The following SGCZ variants were observed in gnomAD, a reference collection of about 807,000 sequenced individuals.
SGCZ encodes the protein sarcoglycan zeta, also known as zeta-sarcoglycan.
In SGCZ, 40 loss-of-function variants were observed where a neutral mutation model predicts 41.3. That is an observed-to-expected ratio of 0.97 (90% CI 0.75 to 1.26). SGCZ has a LOEUF of 1.26. Among genes scored for constraint, SGCZ ranks in the 50% most tolerant of loss-of-function variants. The pLI is 0.00. For missense variants in SGCZ, 552 were observed against 369.8 expected (o/e 1.49, Z -4.04); for synonymous variants, 206 against 137.5 (o/e 1.50, Z -3.49).
chr8:14,577,090 G>C (rs1804734365), intron 1 of SGCZ, among the ~76,000 whole-genome samples: 1 of 152,146 alleles, frequency 6.6e-6, no homozygotes, highest in Non-Finnish European at 1.5e-5. Context: ...AATGAGGACT[G>C]GATTACTAAC....
chr8:14,415,090 C>T (rs1799459560), intron 2 of SGCZ, among the ~76,000 whole-genome samples: 2 of 151,600 alleles, frequency 1.3e-5, no homozygotes, highest in Non-Finnish European at 1.5e-5. Flanking sequence ...TTTACAATCC[C>T]CTGAAGTAAA....
intron 1 of SGCZ, among the ~76,000 whole-genome samples, chr8:15,027,974 C>T (rs569646513): frequency 1.3e-5 from 2 of 151,910 alleles, no homozygotes; most frequent in Admixed American, 6.6e-5. Flanking sequence ...TTAAAACAAA[C>T]AAAAGCACAG....
At chr8:14,565,245 A>T (rs1804323829) in intron 1 of SGCZ, among the ~76,000 whole-genome samples, 1 of 152,124 alleles carries the variant, frequency 6.6e-6, no homozygotes, top group Non-Finnish European at 1.5e-5. Flanking sequence ...TACCTCATAC[A>T]TCCTAAAATT....
chr8:14,594,215 A>C (rs1357433838), intron 1 of SGCZ, among the ~76,000 whole-genome samples: 1 of 146,056 alleles, frequency 6.8e-6, no homozygotes, highest in Non-Finnish European at 1.5e-5. Context: ...TAAATAAATA[A>C]ATAAATAAAT....
intron 1 of SGCZ, among the ~76,000 whole-genome samples, chr8:14,754,243 T>G (rs1799588065): frequency 6.6e-6 from 1 of 152,148 alleles, no homozygotes; most frequent in Admixed American, 6.5e-5. Context: ...TAGATAACCC[T>G]CATGTTCTAC....
At chr8:14,610,358 G>A (rs745762783) in intron 1 of SGCZ, among the ~76,000 whole-genome samples, 16 of 152,196 alleles carry the variant, frequency 1.1e-4, no homozygotes, top group Non-Finnish European at 2.1e-4. Flanking sequence ...TTGATGGAGA[G>A]TCAGAACTGA....
chr8:15,147,479 T>C (rs1437752669), intron 1 of SGCZ, among the ~76,000 whole-genome samples: 4 of 152,150 alleles, frequency 2.6e-5, no homozygotes, highest in Non-Finnish European at 5.9e-5. Flanking sequence ...GGATTCTCCA[T>C]GTTCGTCAGG....
chr8:14,502,239 G>A lies in SGCZ; in HGVS notation c.234+52493C>T, dbSNP rs77870052. 8.1e-3 allele frequency among the ~76,000 whole-genome samples: 1,228 copies of A among 152,042 alleles called. 9 individuals carry two copies. Among genetic ancestry groups the A allele is most frequent in the Non-Finnish European group, 0.012 (831 of 67,962 alleles). ...ATTAAGCGGCATCAATACAAAAAAGGATTTTTATTCCATTTTACTTACTCT... is the reference window on the plus strand; with the variant it reads ...ATTAAGCGGCATCAATACAAAAAAGAATTTTTATTCCATTTTACTTACTCT... On this transcript the variant is annotated intron_variant, in intron 2 of 7. Transcript: ENST00000382080.
intron 5 of SGCZ, among the ~76,000 whole-genome samples, chr8:14,121,920 C>G (rs1802708765): frequency 6.6e-6 from 1 of 152,120 alleles, no homozygotes; most frequent in African/African-American, 2.4e-5. Flanking sequence ...TACATTGATA[C>G]ATAAATAGCC....
At chr8:14,278,094 T>C (rs1342124783) in intron 3 of SGCZ, among the ~76,000 whole-genome samples, 4 of 152,102 alleles carry the variant, frequency 2.6e-5, no homozygotes, top group Non-Finnish European at 5.9e-5. Flanking sequence ...TTCACTCCCA[T>C]CGAGTTTCCC....
chr8:14,328,676 C>T (rs1802208523), intron 2 of SGCZ, among the ~76,000 whole-genome samples: 1 of 152,120 alleles, frequency 6.6e-6, no homozygotes, highest in African/African-American at 2.4e-5. Context: ...CACCAAATTT[C>T]ATATCATTAT....
chr8:14,123,886 G>C (rs906115559), intron 5 of SGCZ, among the ~76,000 whole-genome samples: 1 of 152,102 alleles, frequency 6.6e-6, no homozygotes, highest in East Asian at 1.9e-4. Flanking sequence ...TATCTAGGAG[G>C]AGCCAAAATA....
intron 3 of SGCZ, among the ~76,000 whole-genome samples, chr8:14,252,878 C>T (rs1392803149): frequency 6.6e-6 from 1 of 152,162 alleles, no homozygotes; most frequent in African/African-American, 2.4e-5. Flanking sequence ...ATTTACTTCA[C>T]CATACTGGCT....
At chr8:14,326,188 T>G (rs1311746056) in intron 2 of SGCZ, among the ~76,000 whole-genome samples, 1 of 143,820 alleles carries the variant, frequency 7.0e-6, no homozygotes, top group Non-Finnish European at 1.5e-5. Context: ...AAGCCCAACG[T>G]AGACAGATGT....
chr8:15,230,525 A>G (rs1801909341), intron 1 of SGCZ, among the ~76,000 whole-genome samples: 1 of 152,252 alleles, frequency 6.6e-6, no homozygotes, highest in African/African-American at 2.4e-5. Context: ...TGATGTTCAA[A>G]TGAAGAATTA....
At chr8:14,213,728 A>G (rs879479620) in intron 4 of SGCZ, among the ~76,000 whole-genome samples, 1 of 152,158 alleles carries the variant, frequency 6.6e-6, no homozygotes, top group Non-Finnish European at 1.5e-5. Context: ...AATGCTCCAT[A>G]TGTATGAATA....
chr8:14,391,784 T>A (rs985938659), intron 2 of SGCZ, among the ~76,000 whole-genome samples: 5 of 152,174 alleles, frequency 3.3e-5, no homozygotes, highest in African/African-American at 1.2e-4. Context: ...TTGGCTCACA[T>A]TTCTTCAGGT....
intron 2 of SGCZ, among the ~76,000 whole-genome samples, chr8:14,409,868 T>C (rs547502381): frequency 6.6e-6 from 1 of 152,294 alleles, no homozygotes; most frequent in East Asian, 1.9e-4. Flanking sequence ...TGAACAGTTA[T>C]TTATACACAT....
intron 1 of SGCZ, among the ~76,000 whole-genome samples, chr8:14,673,786 G>A (rs1442903536): frequency 6.6e-6 from 1 of 152,114 alleles, no homozygotes; most frequent in Non-Finnish European, 1.5e-5. Context: ...AGGACAATCT[G>A]ATGCCCGATG....
Sources: allele counts gnomAD v4.1 joint callset (sites outside exome capture counted in the v4.1 genomes callset), GRCh38; gene constraint gnomAD v4.1.1; transcripts MANE v1.5; gene names NCBI Gene and HGNC (gene_info 2026-07-23, HGNC 2026-07-21).